CFAP299: variants seen among roughly 807,000 people sequenced by gnomAD.
CFAP299 encodes cilia- and flagella-associated protein 299.
Under a neutral mutation model 27.0 loss-of-function variants are expected in CFAP299, and 21 were observed. The observed-to-expected ratio is 0.78, with a 90% CI of 0.55 to 1.12. The LOEUF is 1.12. Ranked by LOEUF, CFAP299 falls within the 50% of genes most tolerant of loss-of-function variation. The pLI, the probability that CFAP299 is intolerant of heterozygous loss-of-function variation, is 0.00. For missense variants in CFAP299, 310 were observed against 276.6 expected, an observed-to-expected ratio of 1.12 and a Z score of -0.86; for synonymous variants, 104 against 98.1, an observed-to-expected ratio of 1.06 and a Z score of -0.36.
intron 1 of CFAP299, among the ~76,000 whole-genome samples, chr4:80,360,311 G>T (rs1311785853): frequency 6.6e-6 from 1 of 152,180 alleles, no homozygotes; most frequent in Non-Finnish European, 1.5e-5. Context: ...GCTGGAGGGG[G>T]AGTGAGCCCC....
chr4:80,946,136 G>A (rs1291261737), intron 5 of CFAP299, among the ~76,000 whole-genome samples: 1 of 149,236 alleles, frequency 6.7e-6, no homozygotes, highest in Admixed American at 6.7e-5. Context: ...TGTCTTTAAA[G>A]AATTAATGAC....
intron 4 of CFAP299, among the ~76,000 whole-genome samples, chr4:80,931,519 C>T (rs1360821130): frequency 2.0e-5 from 3 of 152,098 alleles, no homozygotes; most frequent in Non-Finnish European, 4.4e-5. Context: ...TTGAAGCAGG[C>T]CATGTCTCAC....
chr4:80,599,920 T>C (rs1454341820), intron 3 of CFAP299, among the ~76,000 whole-genome samples: 1 of 152,152 alleles, frequency 6.6e-6, no homozygotes, highest in African/African-American at 2.4e-5. Context: ...AGATGTTATA[T>C]ACTTGAAATT....
intron 3 of CFAP299, 112 bp from the exon 4 acceptor site, chr4:80,869,881 C>A (rs748880217): frequency 6.9e-6 from 7 of 1,009,510 alleles, no homozygotes; most frequent in Non-Finnish European, 8.5e-6. Context: ...TTTCAGAAGC[C>A]CTGCTTCCTA....
intron 3 of CFAP299, among the ~76,000 whole-genome samples, chr4:80,689,812 G>A (rs149547158): frequency 0.028 from 4,248 of 152,220 alleles, 116 homozygotes; most frequent in Non-Finnish European, 0.038. Context: ...CACATGCAGA[G>A]ACACACATAG....
At chr4:80,698,943 T>C (rs1046248763) in intron 3 of CFAP299, among the ~76,000 whole-genome samples, 9 of 152,116 alleles carry the variant, frequency 5.9e-5, no homozygotes, top group African/African-American at 2.2e-4. Flanking sequence ...CAATTCAAGA[T>C]GAGATTTGGG....
intron 3 of CFAP299, among the ~76,000 whole-genome samples, chr4:80,843,723 A>G (rs1730998485): frequency 6.6e-6 from 1 of 151,968 alleles, no homozygotes; most frequent in Admixed American, 6.6e-5. Flanking sequence ...TTATTTCTCC[A>G]CATCCTCTTC....
the CFAP299 span, among the ~76,000 whole-genome samples, chr4:80,324,463 C>T: frequency 2.0e-5 from 3 of 152,282 alleles, no homozygotes; most frequent in South Asian, 2.1e-4. Context: ...AAGCATGGTG[C>T]ATTACACATG....
chr4:80,760,653 T>C (rs941663227), intron 3 of CFAP299, among the ~76,000 whole-genome samples: 1 of 152,216 alleles, frequency 6.6e-6, no homozygotes, highest in Non-Finnish European at 1.5e-5. Flanking sequence ...TTGCAGGCTG[T>C]TTGCTAGTTG....
chr4:80,487,957 G>A (rs1400465704), intron 2 of CFAP299, among the ~76,000 whole-genome samples: 1 of 152,132 alleles, frequency 6.6e-6, no homozygotes, highest in Non-Finnish European at 1.5e-5. Context: ...AATAGAAACT[G>A]GTGGTATAGC....
At chr4:80,510,511 C>T (rs1364300641) in intron 2 of CFAP299, among the ~76,000 whole-genome samples, 1 of 152,114 alleles carries the variant, frequency 6.6e-6, no homozygotes, top group South Asian at 2.1e-4. Context: ...TATAGCTGAG[C>T]TCACATCCTT....
chr4:80,674,785 T>A (rs1719318501), intron 3 of CFAP299, among the ~76,000 whole-genome samples: 1 of 152,160 alleles, frequency 6.6e-6, no homozygotes, highest in Non-Finnish European at 1.5e-5. Flanking sequence ...TATTCAATCA[T>A]TGATACACAT....
At chr4:80,448,253 T>C (rs1386267603) in intron 2 of CFAP299, among the ~76,000 whole-genome samples, 9 of 152,154 alleles carry the variant, frequency 5.9e-5, no homozygotes, top group Admixed American at 5.9e-4. Context: ...TGTCAGAAAA[T>C]CTTAGGAGCT....
At chr4:80,925,075 G>T (rs1013698495) in intron 4 of CFAP299, among the ~76,000 whole-genome samples, 4 of 151,606 alleles carry the variant, frequency 2.6e-5, no homozygotes, top group Admixed American at 6.6e-5. Context: ...TTTTTTAATT[G>T]TTATGAAGGT....
At chr4:80,589,945 A>C (rs1239392377) in intron 3 of CFAP299, among the ~76,000 whole-genome samples, 2 of 152,114 alleles carry the variant, frequency 1.3e-5, no homozygotes, top group Non-Finnish European at 2.9e-5. Flanking sequence ...GATTGAGGGA[A>C]ACTCTCAATC....
chr4:80,811,126 T>A (rs1272947572), intron 3 of CFAP299, among the ~76,000 whole-genome samples: 1 of 152,132 alleles, frequency 6.6e-6, no homozygotes, highest in Admixed American at 6.6e-5. Flanking sequence ...TTATGAATAA[T>A]TAATTTAAAT....
chr4:80,755,967 C>T (rs1476079207), intron 3 of CFAP299, among the ~76,000 whole-genome samples: 1 of 152,012 alleles, frequency 6.6e-6, no homozygotes, highest in Admixed American at 6.6e-5. Flanking sequence ...ACATCAGTTA[C>T]CCAGTTCTTT....
intron 3 of CFAP299, among the ~76,000 whole-genome samples, chr4:80,853,773 C>T (rs1731664218): frequency 6.6e-6 from 1 of 152,052 alleles, no homozygotes; most frequent in African/African-American, 2.4e-5. Context: ...AGAAGAACCC[C>T]GAGGTTTTTG....
chr4:80,901,512 T>A (rs957399000), intron 4 of CFAP299, among the ~76,000 whole-genome samples: 9 of 152,172 alleles, frequency 5.9e-5, no homozygotes, highest in African/African-American at 2.2e-4. Context: ...AAAATATATT[T>A]GCTGTTACTT....
Sources: gnomAD v4.1 joint callset for allele counts (sites outside exome capture counted in the v4.1 genomes callset) on GRCh38, gnomAD v4.1.1 for gene constraint, MANE v1.5 for transcripts, NCBI Gene and HGNC (gene_info 2026-07-23, HGNC 2026-07-21) for gene names.